ADAM17: variants seen among roughly 807,000 people sequenced by gnomAD.
The protein encoded by ADAM17 is disintegrin and metalloproteinase domain-containing protein 17.
A neutral mutation model predicts 96.7 loss-of-function variants in ADAM17; 39 were observed. That is an observed-to-expected ratio of 0.40 (90% CI 0.31 to 0.53). The LOEUF is 0.53. ADAM17 is among the 20% of genes least tolerant of loss of function. The pLI is 0.44. For synonymous variants in ADAM17, 344 were observed against 359.2 expected, an observed-to-expected ratio of 0.96 and a Z score of 0.48; for missense variants, 777 against 1,013.2, an observed-to-expected ratio of 0.77 and a Z score of 3.17.
At chr2:9,520,397 G>C (rs958074268) in intron 8 of ADAM17, among the ~76,000 whole-genome samples, 1 of 152,050 alleles carries the variant, frequency 6.6e-6, no homozygotes. Context: ...GCCATCTTTA[G>C]ATTAATCGCC....
intron 8 of ADAM17, among the ~76,000 whole-genome samples, chr2:9,520,591 A>C (rs952644061): frequency 1.1e-4 from 17 of 152,302 alleles, no homozygotes; most frequent in African/African-American, 3.6e-4. Flanking sequence ...CAAAAACTCT[A>C]TATATTGGGT....
In ADAM17 at chr2:9,489,725, CA is replaced by C. The variant is rs548548539; in HGVS notation, c.*451del. 5,324 of 78,278 alleles carry C rather than the reference CA, an allele frequency of 0.068. 40 individuals carry two copies. Among genetic ancestry groups the C allele is most frequent in the Non-Finnish European group, 0.077 (3,280 of 42,638 alleles). The allele number at this position is 78,278 out of a possible 1,614,324, so 4.8% of individuals were successfully genotyped here. A position where few individuals can be genotyped will look rare whatever the true frequency, so the allele number is the denominator to read the frequency against. ...TATCTCCTTTGTTTTTAGTTGAAGG[CA>C]AAAAAAAAAAAAAAAAAAAAAAACT... is the stretch of plus-strand genomic sequence containing the variant. On this transcript the variant is annotated 3_prime_UTR_variant, in exon 19 of 19. Coordinates refer to ENST00000310823, the MANE Select transcript of ADAM17 (RefSeq NM_003183.6).
At chr2:9,498,779 T>C (rs1323045595) in intron 13 of ADAM17, among the ~76,000 whole-genome samples, 1 of 152,258 alleles carries the variant, frequency 6.6e-6, no homozygotes, top group Middle Eastern at 3.2e-3. Context: ...ATCATTATTG[T>C]ATTTTTGGTA....
At chr2:9,533,637 C>T (rs1246296540) in intron 4 of ADAM17, among the ~76,000 whole-genome samples, 1 of 152,220 alleles carries the variant, frequency 6.6e-6, no homozygotes, top group Non-Finnish European at 1.5e-5. Context: ...ACACTATTTT[C>T]TCTTTCTGAG....
rs148983888 is a variant in ADAM17 at position 9,518,139 on chromosome 2, G to T, written c.1066C>A (p.Pro356Thr). Residue 356 changes from proline (P) to threonine (T), a missense_variant, in exon 9 of 19, where the codon CCC (proline) becomes ACC (threonine). Physicochemically the swap from Pro to Thr is conservative, Grantham distance 38 (BLOSUM62 -1). Coordinates refer to ENST00000310823, the MANE Select transcript of ADAM17 (RefSeq NM_003183.6). The stretch of plus-strand genomic sequence containing the variant: ...ACACCTCCATGGCTGTTTGCTCTGG[G>T]AGAGCCAACATAAGCTAATCCAAGA... ...GTLGLAYVGSPRANSHGGVCP... is the reference protein window; with the variant it reads ...GTLGLAYVGSTRANSHGGVCP... The T allele has an allele frequency of 6.2e-7, 1 of 1,600,566 alleles. No individual in the cohort carries two copies. Among genetic ancestry groups the T allele is most frequent in the Non-Finnish European group, 8.5e-7 (1 of 1,176,350 alleles).
At chr2:9,515,350 T>G (rs1196506626) in intron 10 of ADAM17, among the ~76,000 whole-genome samples, 1 of 152,228 alleles carries the variant, frequency 6.6e-6, no homozygotes, top group Non-Finnish European at 1.5e-5. Context: ...TTTATTTTTT[T>G]CTCATTTTAT....
At chr2:9,542,962 T>G (rs1022459352) in intron 2 of ADAM17, among the ~76,000 whole-genome samples, 191 bp downstream of exon 2, 3 of 152,232 alleles carry the variant, frequency 2.0e-5, no homozygotes, top group Non-Finnish European at 4.4e-5. Context: ...CCCCCCAAAG[T>G]GCTCGGATTA....
At chr2:9,509,728 T>G (rs953673950) in intron 11 of ADAM17, among the ~76,000 whole-genome samples, 1 of 152,142 alleles carries the variant, frequency 6.6e-6, no homozygotes, top group African/African-American at 2.4e-5. Context: ...GCCATTATTA[T>G]TAGTAATTTT....
At chr2:9,553,149 G>A (rs1339022087) in intron 1 of ADAM17, among the ~76,000 whole-genome samples, 3 of 152,078 alleles carry the variant, frequency 2.0e-5, no homozygotes, top group African/African-American at 7.2e-5. Context: ...ATCTTCCTGA[G>A]ACTCATTTTC....
intron 4 of ADAM17, among the ~76,000 whole-genome samples, chr2:9,529,802 T>A (rs932808212): frequency 1.3e-5 from 2 of 151,832 alleles, no homozygotes; most frequent in African/African-American, 4.8e-5. Flanking sequence ...TGAAACCCCA[T>A]CTCTACTGAA....
chr2:9,533,155 C>G (rs1322511485), intron 4 of ADAM17, among the ~76,000 whole-genome samples: 2 of 151,768 alleles, frequency 1.3e-5, no homozygotes, highest in Non-Finnish European at 2.9e-5. Context: ...CGCCATTGCA[C>G]TCCAGTCTGG....
chr2:9,543,445 C>T (rs1321069733), intron 1 of ADAM17, among the ~76,000 whole-genome samples, 160 bp from the exon 2 acceptor site: 2 of 152,186 alleles, frequency 1.3e-5, no homozygotes, highest in Non-Finnish European at 2.9e-5. Flanking sequence ...AACTCCACTG[C>T]CTCTTCCAAA....
At chr2:9,519,400 A>G (rs912383301) in intron 8 of ADAM17, among the ~76,000 whole-genome samples, 2 of 152,150 alleles carry the variant, frequency 1.3e-5, no homozygotes, top group African/African-American at 4.8e-5. Context: ...CTCCCCTGCC[A>G]TGGGCTGTCT....
Position 9,538,324 on chromosome 2 carries a change from A to G in ADAM17, c.231-1496T>C, listed in dbSNP as rs143601416. Among the ~76,000 whole-genome samples the G allele has an allele frequency of 8.5e-5, 13 of 152,360 alleles. 1 individual carries two copies. In the East Asian group the frequency reaches 1.7e-3, roughly 20 times the overall value. Reference sequence around the variant, plus strand: ...TGCAAAAGTCTTTAAACTACCGGAAAGAAATCTAGACTGGGACTATCTCCA... The same window carrying G: ...TGCAAAAGTCTTTAAACTACCGGAAGGAAATCTAGACTGGGACTATCTCCA... On this transcript the variant is annotated intron_variant, in intron 2 of 18. Coordinates refer to ENST00000310823, the MANE Select transcript of ADAM17 (RefSeq NM_003183.6).
chr2:9,516,811 T>C (rs1195555302), intron 10 of ADAM17, among the ~76,000 whole-genome samples: 2 of 152,166 alleles, frequency 1.3e-5, no homozygotes, highest in South Asian at 4.1e-4. Context: ...TAATATGTCC[T>C]ACCAACATCT....
chr2:9,544,832 GA>G (rs1012136516), intron 1 of ADAM17, among the ~76,000 whole-genome samples: 1 of 149,700 alleles, frequency 6.7e-6, no homozygotes, highest in Non-Finnish European at 1.5e-5. Flanking sequence ...CTCAAAAGAA[GA>G]AAAAAAAAGC....
At chr2:9,507,168 A>C (rs1663460002) in intron 11 of ADAM17, among the ~76,000 whole-genome samples, 1 of 152,140 alleles carries the variant, frequency 6.6e-6, no homozygotes, top group African/African-American at 2.4e-5. Flanking sequence ...CCTTTTCATC[A>C]GTTAAAAATA....
rs144014465 is a variant in ADAM17, at chr2:9,502,200, T to C, written c.1621A>G (p.Thr541Ala). 6 of 1,614,082 alleles carry C rather than the reference T, an allele frequency of 3.7e-6. No homozygotes were observed. The highest frequency in any genetic ancestry group is 5.1e-6 in the Non-Finnish European group (6 of 1,180,020). The change falls in exon 13 of 19, where the codon ACT becomes GCT. Residue 541 changes from threonine to alanine, a missense_variant. Thr to Ala is a moderately conservative substitution (Grantham distance 58). Coordinates refer to ENST00000310823, the MANE Select transcript of ADAM17 (RefSeq NM_003183.6). ...QKKCQEAINA[T>A]CKGVSYCTGN... ...GTGCAGTAGGACACGCCTTTGCAAG[T>C]AGCATTAATCGCCTCCTGGCACTTC...
At chr2:9,536,910 G>A in intron 2 of ADAM17, 82 bp from the exon 3 acceptor site, 1 of 1,474,678 alleles carries the variant, frequency 6.8e-7, no homozygotes, top group East Asian at 2.4e-5. Flanking sequence ...TTCTTAAAAA[G>A]CCAGAAGCAT....
Sources: gnomAD v4.1 joint callset for allele counts (sites outside exome capture counted in the v4.1 genomes callset) on GRCh38, gnomAD v4.1.1 for gene constraint, MANE v1.5 for transcripts, NCBI Gene and HGNC (gene_info 2026-07-23, HGNC 2026-07-21) for gene names.